The following NAA30 variants were observed in gnomAD, a reference collection of about 807,000 sequenced individuals.
NAA30 encodes the protein N-alpha-acetyltransferase 30, NatC catalytic subunit, also known as N-alpha-acetyltransferase 30.
In NAA30, 5 loss-of-function variants were observed where a neutral mutation model predicts 31.4. The observed-to-expected ratio is 0.16, with a 90% CI of 0.08 to 0.33. The LOEUF (loss-of-function observed/expected upper bound fraction) is 0.33. Ranked by LOEUF, NAA30 falls within the 10% of genes least tolerant of loss-of-function variation. The pLI is 1.00. For missense variants in NAA30, 428 were observed against 490.8 expected (o/e 0.87, Z 1.21); for synonymous variants, 222 against 207.1 (o/e 1.07, Z -0.62).
intron 2 of NAA30, among the ~76,000 whole-genome samples, chr14:57,394,483 T>C (rs1005764205): frequency 2.6e-5 from 4 of 152,156 alleles, no homozygotes; most frequent in African/African-American, 7.2e-5. Context: ...TATGCAGAGC[T>C]TTTATTTGGA....
Position 57,409,711 on chromosome 14 carries a change from A to G in NAA30, c.*195A>G, listed in dbSNP as rs949645641. 1 of 461,012 alleles carries G rather than the reference A, an allele frequency of 2.2e-6. No individual in the cohort carries two copies. Among genetic ancestry groups the G allele is most frequent in the South Asian group, 7.8e-5 (1 of 12,866 alleles). The allele number at this position is 461,012 out of a possible 1,614,324, so 28.6% of individuals were successfully genotyped here. On this transcript the variant is annotated 3_prime_UTR_variant, in exon 5 of 5. Coordinates refer to ENST00000556492, the MANE Select transcript of NAA30 (RefSeq NM_001011713.3). ...TTGTTCTGAATTAAAAGATTGTTTT[A>G]AACTTCAGGAGTTCTTTTGGTACCA... is the stretch of plus-strand genomic sequence containing the variant.
intron 2 of NAA30, among the ~76,000 whole-genome samples, chr14:57,392,137 AGT>A (rs1489137858): frequency 6.6e-6 from 1 of 152,236 alleles, no homozygotes; most frequent in African/African-American, 2.4e-5. Context: ...ATCAGGGAAG[AGT>A]GTATGCATAA....
At chr14:57,409,255 ATTAT>A (rs1261744957) in intron 4 of NAA30, 120 bp from the exon 5 acceptor site, 4 of 796,222 alleles carry the variant, frequency 5.0e-6, no homozygotes, top group Admixed American at 3.1e-5. Flanking sequence ...CTTTCTGTAT[ATTAT>A]TTATTGTTTT....
intron 3 of NAA30, among the ~76,000 whole-genome samples, chr14:57,399,393 C>T (rs2066464296): frequency 6.6e-6 from 1 of 152,142 alleles, no homozygotes; most frequent in South Asian, 2.1e-4. Flanking sequence ...ATGAGGTTGT[C>T]TTGTCCCTTG....
intron 4 of NAA30, among the ~76,000 whole-genome samples, chr14:57,402,918 C>G (rs967365361): frequency 2.6e-5 from 4 of 152,200 alleles, no homozygotes; most frequent in Non-Finnish European, 1.5e-5. Context: ...CTGTGGCTCA[C>G]GCCTGTAATC....
intron 2 of NAA30, among the ~76,000 whole-genome samples, chr14:57,392,638 T>C (rs2066434553): frequency 6.6e-6 from 1 of 152,238 alleles, no homozygotes; most frequent in Admixed American, 6.5e-5. Context: ...AGGTGTATGC[T>C]TTGTATCATG....
chr14:57,401,380 C>T (rs538158108), intron 4 of NAA30, among the ~76,000 whole-genome samples: 1 of 152,298 alleles, frequency 6.6e-6, no homozygotes, highest in East Asian at 1.9e-4. Context: ...AAATAATTCA[C>T]AGGTGTTGAA....
At chr14:57,405,510 G>A (rs1463223011) in intron 4 of NAA30, among the ~76,000 whole-genome samples, 3 of 151,924 alleles carry the variant, frequency 2.0e-5, no homozygotes, top group Non-Finnish European at 4.4e-5. Context: ...GAATACAGTG[G>A]GGTTAGTTAA....
intron 4 of NAA30, among the ~76,000 whole-genome samples, chr14:57,406,788 A>G (rs1315822193): frequency 2.6e-5 from 4 of 152,214 alleles, no homozygotes; most frequent in Non-Finnish European, 4.4e-5. Flanking sequence ...ACCCAAGAGA[A>G]TTGTTAAAAA....
At chr14:57,406,489 T>C (rs576746234) in intron 4 of NAA30, among the ~76,000 whole-genome samples, 2 of 152,336 alleles carry the variant, frequency 1.3e-5, no homozygotes, top group African/African-American at 4.8e-5. Flanking sequence ...CTGTCCTTGC[T>C]CTGTTGGTGG....
At chr14:57,399,087 T>A (rs1474572603) in intron 3 of NAA30, among the ~76,000 whole-genome samples, 1 of 152,216 alleles carries the variant, frequency 6.6e-6, no homozygotes, top group Non-Finnish European at 1.5e-5. Context: ...GGTCTTGAAC[T>A]CTTGGCCTCA....
intron 2 of NAA30, among the ~76,000 whole-genome samples, chr14:57,393,384 G>A (rs1270901846): frequency 2.0e-5 from 3 of 152,012 alleles, no homozygotes; most frequent in Non-Finnish European, 4.4e-5. Context: ...CTAGAATTGC[G>A]ATATGCACAA....
intron 2 of NAA30, among the ~76,000 whole-genome samples, chr14:57,395,797 G>C (rs545173260): frequency 1.3e-4 from 20 of 152,144 alleles, no homozygotes; most frequent in African/African-American, 4.6e-4. Flanking sequence ...CTAAAAATGA[G>C]ACTATGCTAC....
chr14:57,398,595 C>A (rs1018071980), intron 3 of NAA30, among the ~76,000 whole-genome samples: 1 of 151,774 alleles, frequency 6.6e-6, no homozygotes, highest in Non-Finnish European at 1.5e-5. Flanking sequence ...GCACCTGGGA[C>A]TACAGGCACA....
Position 57,390,997 on chromosome 14 carries a change from C to G in NAA30, c.40C>G (p.Pro14Ala). ...VPPGPSSLLPPPAPPAPAAVE... is the reference protein window; with the variant it reads ...VPPGPSSLLPAPAPPAPAAVE... Reference sequence around the variant, plus strand: ...GCCTGGGCCTAGCAGCCTCCTCCCACCACCAGCACCTCCGGCCCCGGCGGC... The same window carrying G: ...GCCTGGGCCTAGCAGCCTCCTCCCAGCACCAGCACCTCCGGCCCCGGCGGC... The change falls in exon 2 of 5, where the codon CCA becomes GCA. Residue 14 changes from proline (P) to alanine (A), a missense_variant. Around this residue, in one of 2 missense-constraint regions of NAA30, gnomAD observed 349 missense variants for 310.4 expected, o/e 1.12. Transcript: ENST00000556492. 1 of 1,496,702 alleles carries G rather than the reference C, an allele frequency of 6.7e-7. No individual in the cohort carries two copies. The highest frequency in any genetic ancestry group is 8.8e-7 in the Non-Finnish European group (1 of 1,131,182). 92.7% of individuals were successfully genotyped at this position (1,496,702 alleles called of 1,614,324 possible). A position where few individuals can be genotyped will look rare whatever the true frequency, so the allele number is the denominator to read the frequency against.
intron 4 of NAA30, among the ~76,000 whole-genome samples, chr14:57,401,154 A>G (rs2066475268): frequency 6.6e-6 from 1 of 152,206 alleles, no homozygotes; most frequent in Non-Finnish European, 1.5e-5. Context: ...TATTAGCAAT[A>G]ATAATTGCTT....
At chr14:57,395,301 A>G (rs976417651) in intron 2 of NAA30, among the ~76,000 whole-genome samples, 1 of 152,160 alleles carries the variant, frequency 6.6e-6, no homozygotes, top group Non-Finnish European at 1.5e-5. Flanking sequence ...TGCTGAAAAG[A>G]TTTCTCCACA....
At chr14:57,405,576 G>C (rs1671626717) in intron 4 of NAA30, among the ~76,000 whole-genome samples, 1 of 152,094 alleles carries the variant, frequency 6.6e-6, no homozygotes, top group Non-Finnish European at 1.5e-5. Flanking sequence ...GAGACACCTG[G>C]TTTCCATATT....
chr14:57,393,784 G>A (rs771679097), intron 2 of NAA30, among the ~76,000 whole-genome samples: 1 of 152,090 alleles, frequency 6.6e-6, no homozygotes, highest in Non-Finnish European at 1.5e-5. Context: ...GACTTAAAAT[G>A]TTTCAATCTC....
Sources: gnomAD v4.1 joint callset for allele counts (sites outside exome capture counted in the v4.1 genomes callset) on GRCh38, gnomAD v4.1.1 for gene constraint, gnomAD v4.1.1 regional missense constraint, MANE v1.5 for transcripts, NCBI Gene and HGNC (gene_info 2026-07-23, HGNC 2026-07-21) for gene names.